C10orf88: variants seen among roughly 807,000 people sequenced by gnomAD.
C10orf88 encodes the protein ATPase PAAT.
A neutral mutation model predicts 34.2 loss-of-function variants in C10orf88; 29 were observed. The ratio of observed to expected loss-of-function variants is 0.85; its 90% CI spans 0.63 to 1.16. The LOEUF is 1.16. Ranked by LOEUF, C10orf88 falls within the 50% of genes most tolerant of loss-of-function variation. The probability of loss-of-function intolerance (pLI) is 0.00; values close to 1 mark genes in which losing one functional copy is unlikely to be tolerated. For missense variants in C10orf88, 507 were observed against 533.2 expected, an observed-to-expected ratio of 0.95 and a Z score of 0.48; for synonymous variants, 194 against 197.4, an observed-to-expected ratio of 0.98 and a Z score of 0.15.
In C10orf88 at chr10:122,942,310, A is replaced by T. The variant is rs565240825; in HGVS notation, c.649-4151T>A. Among the ~76,000 whole-genome samples, 223 of 150,602 alleles carry T rather than the reference A, an allele frequency of 1.5e-3. 1 individual carries two copies. Among genetic ancestry groups the T allele is most frequent in the Non-Finnish European group, 2.9e-3 (193 of 67,284 alleles). ...TCAATAGATGCAGAAAAGGCCTTTG[A>T]CAAAATTCAACAACCCTTCATGCTA... On this transcript the variant is annotated intron_variant, in intron 4 of 5. Transcript: ENST00000481909.
At position 122,932,308 on chromosome 10, in the gene C10orf88, G is replaced by C; in HGVS notation, c.*119C>G. ...TAAAAACGAAAACTGAGGTCACTTT[G>C]TGTAAGACAATGATCCCTCAAAGGA... On this transcript the variant is annotated 3_prime_UTR_variant, in exon 6 of 6. Transcript: ENST00000481909. The C allele has an allele frequency of 1.2e-6, 1 of 833,402 alleles. No individual in the cohort carries two copies. Among genetic ancestry groups the C allele is most frequent in the Non-Finnish European group, 1.8e-6 (1 of 549,988 alleles). The allele number at this position is 833,402 out of a possible 1,614,324, so 51.6% of individuals were successfully genotyped here. A position where few individuals can be genotyped will look rare whatever the true frequency, so the allele number is the denominator to read the frequency against.
intron 4 of C10orf88, among the ~76,000 whole-genome samples, chr10:122,938,689 G>A (rs995747795): frequency 3.9e-5 from 6 of 151,980 alleles, no homozygotes; most frequent in African/African-American, 1.4e-4. Flanking sequence ...TTTAAAGTTA[G>A]ATGCTCTATG....
intron 5 of C10orf88, 38 bp from the exon 6 acceptor site, chr10:122,932,699 A>T: frequency 6.4e-6 from 9 of 1,405,582 alleles, no homozygotes; most frequent in Non-Finnish European, 8.7e-6. Flanking sequence ...AATTTTCCCT[A>T]ATAACAAAAA....
chr10:122,938,070 TA>T lies in C10orf88; in HGVS notation c.737del (p.Leu246Ter). ...TGGAGGACGACTTGTTTAAGGTTCCTAAGGTAGATGAGGATTGTAGTCCAAT... is the reference window on the plus strand; with the variant it reads ...TGGAGGACGACTTGTTTAAGGTTCCTAGGTAGATGAGGATTGTAGTCCAAT... ...HMIGLQSSST[L>X]GTLNKSSSTP... On this transcript the variant is annotated frameshift_variant, in exon 5 of 6. Coordinates refer to ENST00000481909, the MANE Select transcript of C10orf88 (RefSeq NM_024942.4). LOFTEE classifies it high-confidence loss of function. 6.2e-7 allele frequency: 1 copy of T among 1,613,254 alleles called. No homozygotes were observed. Among genetic ancestry groups the T allele is most frequent in the Non-Finnish European group, 8.5e-7 (1 of 1,179,388 alleles).
In C10orf88 at chr10:122,932,517, C is replaced by T. The variant is rs1390903656; in HGVS notation, c.1248G>A (p.Leu416=). 1.2e-6 allele frequency: 2 copies of T among 1,613,838 alleles called. No homozygotes were observed. Among genetic ancestry groups the T allele is most frequent in the African/African-American group, 2.7e-5 (2 of 74,866 alleles). ...GGGAGTTAGGATTTTGCAGCAAATC[C>T]AGTAACAAAGCAATCTTATCATCAA... ...EHIDDKIALL[L]DLLQNPNSPP... is the part of the protein sequence containing the mutation. The change falls in exon 6 of 6, where the codon CTG becomes CTA. Residue 416 remains leucine (L), a synonymous_variant. Transcript: ENST00000481909.
Position 122,932,573 on chromosome 10 carries a change from C to A in C10orf88, c.1192G>T (p.Asp398Tyr), listed in dbSNP as rs1286965985. 6.2e-7 allele frequency: 1 copy of A among 1,613,790 alleles called. No individual in the cohort carries two copies. Among genetic ancestry groups the A allele is most frequent in the African/African-American group, 1.3e-5 (1 of 74,920 alleles). Residue 398 changes from aspartate to tyrosine, a missense_variant, in exon 6 of 6, where the codon GAT (aspartate) becomes TAT (tyrosine). Asp to Tyr is a radical substitution (Grantham distance 160). Transcript: ENST00000481909. ...TCCTGGAGTTCATGTATTCGCTGAT[C>A]AATGTAATCCATAAGTTTCTTTTCC... Reference protein sequence around the residue: ...LMEKKLMDYIDQRIHELQEHI... With the variant: ...LMEKKLMDYIYQRIHELQEHI...
chr10:122,948,692 G>T lies in C10orf88; in HGVS notation c.605C>A (p.Pro202His), dbSNP rs61730808. ...CATATCCATCAACTGCTGAGCTCCA[G>T]GAGATAACTTTGACCCCATGGACTC... is the stretch of plus-strand genomic sequence containing the variant. ...IMESMGSKLS[P>H]GAQQLMDMVR... The change falls in exon 4 of 6, where the codon CCT (proline) becomes CAT (histidine). Residue 202 changes from proline (P) to histidine (H), a missense_variant. By Grantham distance (77) the Pro-to-His change is moderately conservative. Transcript: ENST00000481909. 5.6e-4 allele frequency: 897 copies of T among 1,613,950 alleles called. 4 individuals are homozygous for T. In the African/African-American group the frequency reaches 0.01, roughly 18 times the overall value.
intron 3 of C10orf88, among the ~76,000 whole-genome samples, chr10:122,950,453 C>T (rs1157731174): frequency 2.0e-5 from 3 of 152,208 alleles, no homozygotes; most frequent in Non-Finnish European, 4.4e-5. Flanking sequence ...ACACACAGGT[C>T]CACATGTCAA....
chr10:122,943,578 T>G (rs1848606430), intron 4 of C10orf88, among the ~76,000 whole-genome samples: 1 of 151,718 alleles, frequency 6.6e-6, no homozygotes, highest in African/African-American at 2.4e-5. Flanking sequence ...ACCATCAGAG[T>G]GAACAGGCAA....
intron 4 of C10orf88, 151 bp from the exon 5 acceptor site, chr10:122,938,310 C>T (rs1238235845): frequency 1.5e-6 from 1 of 676,270 alleles, no homozygotes; most frequent in Non-Finnish European, 2.3e-6. Context: ...CAATATTAAG[C>T]TGAGGAGACC....
At chr10:122,940,899 GT>G (rs1407046940) in intron 4 of C10orf88, among the ~76,000 whole-genome samples, 1 of 151,944 alleles carries the variant, frequency 6.6e-6, no homozygotes, top group Non-Finnish European at 1.5e-5. Flanking sequence ...AGAGAACTGT[GT>G]CCATATACTT....
chr10:122,935,601 C>A (rs1399971381), intron 5 of C10orf88, among the ~76,000 whole-genome samples: 1 of 151,662 alleles, frequency 6.6e-6, no homozygotes, highest in African/African-American at 2.4e-5. Flanking sequence ...CTTTATTTTT[C>A]CATTTTAAAA....
chr10:122,941,732 T>C (rs1416413323), intron 4 of C10orf88, among the ~76,000 whole-genome samples: 1 of 152,142 alleles, frequency 6.6e-6, no homozygotes, highest in Non-Finnish European at 1.5e-5. Flanking sequence ...TCCATTAGCA[T>C]GTTTAAAAGG....
At chr10:122,947,833 A>G (rs1367776805) in intron 4 of C10orf88, among the ~76,000 whole-genome samples, 1 of 152,146 alleles carries the variant, frequency 6.6e-6, no homozygotes. Context: ...CATAATACCA[A>G]TATTAAGTTA....
intron 1 of C10orf88, among the ~76,000 whole-genome samples, chr10:122,953,351 A>G (rs1273185054): frequency 6.6e-6 from 1 of 152,140 alleles, no homozygotes; most frequent in African/African-American, 2.4e-5. Context: ...TGCTGGGATT[A>G]CAGGTGTGAG....
At chr10:122,943,189 G>C (rs1427928158) in intron 4 of C10orf88, among the ~76,000 whole-genome samples, 154 of 123,116 alleles carry the variant, frequency 1.3e-3, no homozygotes, top group Middle Eastern at 4.2e-3. Flanking sequence ...TAGATCAATG[G>C]AACAGAACAG....
chr10:122,954,137 G>T lies in C10orf88; in HGVS notation c.42C>A (p.Pro14=). 1 of 1,585,348 alleles carries T rather than the reference G, an allele frequency of 6.3e-7. No homozygotes were observed. The highest frequency in any genetic ancestry group is 2.4e-5 in the East Asian group (1 of 41,898). The change falls in exon 1 of 6, where the codon CCC becomes CCA. Residue 14 remains proline (P), a synonymous_variant. Transcript: ENST00000481909. Reference sequence around the variant, plus strand: ...CAACATCCCAAGAAGAGGCCAGCGTGGGGCGGCGGGTGAGGCCCCCGTCCT... The same window carrying T: ...CAACATCCCAAGAAGAGGCCAGCGTTGGGCGGCGGGTGAGGCCCCCGTCCT... ...RTEDGGLTRR[P]TLASSWDVAG...
At chr10:122,944,971 C>T (rs757394941) in intron 4 of C10orf88, among the ~76,000 whole-genome samples, 9 of 148,040 alleles carry the variant, frequency 6.1e-5, no homozygotes, top group Non-Finnish European at 1.2e-4. Context: ...GCTGATCAAT[C>T]CAATAGGTGT....
At chr10:122,937,233 G>C (rs888692092) in intron 5 of C10orf88, among the ~76,000 whole-genome samples, 4 of 151,744 alleles carry the variant, frequency 2.6e-5, no homozygotes, top group African/African-American at 7.3e-5. Context: ...AAGAGACTGG[G>C]GATAATAGCT....
Sources: allele counts gnomAD v4.1 joint callset (sites outside exome capture counted in the v4.1 genomes callset), GRCh38; gene constraint gnomAD v4.1.1; transcripts MANE v1.5; gene names NCBI Gene and HGNC (gene_info 2026-07-23, HGNC 2026-07-21).